Variants in VPS13C observed in about 807,000 individuals in gnomAD.
VPS13C encodes the protein intermembrane lipid transfer protein VPS13C.
VPS13C carries 358 observed loss-of-function variants against 456.8 expected under a neutral mutation model. That is an observed-to-expected ratio of 0.78 (90% CI 0.72 to 0.86). The LOEUF (loss-of-function observed/expected upper bound fraction) is 0.86, where lower values mean the gene tolerates loss of function less well. Ranked by LOEUF, VPS13C falls within the 40% of genes least tolerant of loss-of-function variation. The pLI, the probability that VPS13C is intolerant of heterozygous loss-of-function variation, is 0.00. For synonymous variants in VPS13C, 1,578 were observed against 1,486.7 expected, an observed-to-expected ratio of 1.06 and a Z score of -1.41; for missense variants, 4,818 against 4,385.4, an observed-to-expected ratio of 1.10 and a Z score of -2.79.
intron 6 of VPS13C, among the ~76,000 whole-genome samples, chr15:62,026,458 T>C (rs2047643908): frequency 6.6e-6 from 1 of 152,090 alleles, no homozygotes; most frequent in South Asian, 2.1e-4. Context: ...CGATCTCAAG[T>C]TGGCAAATAC....
At chr15:61,931,371 A>G (rs1313763898) in intron 49 of VPS13C, 112 bp from the exon 50 acceptor site, 7 of 1,129,210 alleles carry the variant, frequency 6.2e-6, no homozygotes, top group African/African-American at 1.6e-5. Flanking sequence ...CATGAATTTT[A>G]AAAGTATGAG....
chr15:61,986,084 TAC>T (rs1213570211), intron 18 of VPS13C, among the ~76,000 whole-genome samples: 3 of 149,644 alleles, frequency 2.0e-5, no homozygotes, highest in African/African-American at 7.4e-5. Context: ...CATATACACA[TAC>T]ACACACACTC....
chr15:61,919,279 G>C lies in VPS13C; in HGVS notation c.7638+10C>G. The C allele has an allele frequency of 6.3e-7, 1 of 1,579,862 alleles. No individual in the cohort carries two copies. The highest frequency in any genetic ancestry group is 8.6e-7 in the Non-Finnish European group (1 of 1,166,562). On this transcript the variant is annotated intron_variant, in intron 58 of 84. Coordinates refer to ENST00000644861, the MANE Select transcript of VPS13C (RefSeq NM_020821.3). ...CACTGAAAGGGATACAATTAACTTT[G>C]AAGTATTACCTGTAGAGGAGAGCGA...
intron 77 of VPS13C, among the ~76,000 whole-genome samples, chr15:61,873,655 A>C (rs1596277406): frequency 6.6e-6 from 1 of 152,128 alleles, no homozygotes; most frequent in East Asian, 1.9e-4. Context: ...TATTATAAAA[A>C]AGACAAAAAA....
chr15:61,870,523 T>C (rs925524395), intron 79 of VPS13C, among the ~76,000 whole-genome samples: 2 of 152,226 alleles, frequency 1.3e-5, no homozygotes, highest in African/African-American at 4.8e-5. Flanking sequence ...TGTTTATTCA[T>C]GTATCAGGTG....
chr15:61,890,352 C>G lies in VPS13C; in HGVS notation c.9154G>C (p.Val3052Leu). 2 of 1,614,026 alleles carry G rather than the reference C, an allele frequency of 1.2e-6. No individual in the cohort carries two copies. Among genetic ancestry groups the G allele is most frequent in the Non-Finnish European group, 1.7e-6 (2 of 1,179,998 alleles). ...CTCTGGCGCCCATCCAGAAATGATA[C>G]CCAGTGTATCTGGATGTTTGCATCA... ...PYDANIQIHW[V>L]SFLDGRQRVL... is the part of the protein sequence containing the mutation. The change falls in exon 67 of 85, where the codon GTA becomes CTA. Residue 3052 changes from valine (V) to leucine (L), a missense_variant. By Grantham distance (32) the Val-to-Leu change is conservative (BLOSUM62 1). Around this residue, in one of 3 missense-constraint regions of VPS13C, gnomAD observed 4,552 missense variants for 4,130.6 expected, o/e 1.10. Coordinates refer to ENST00000644861, the MANE Select transcript of VPS13C (RefSeq NM_020821.3).
chr15:61,998,818 G>C (rs1285995034), intron 16 of VPS13C, among the ~76,000 whole-genome samples: 1 of 152,234 alleles, frequency 6.6e-6, no homozygotes, highest in South Asian at 2.1e-4. Flanking sequence ...TGCTACCCCT[G>C]AGACAATCCT....
intron 1 of VPS13C, among the ~76,000 whole-genome samples, chr15:62,045,110 C>T (rs558667074): frequency 1.3e-5 from 2 of 152,014 alleles, no homozygotes; most frequent in African/African-American, 4.8e-5. Context: ...TTGTTTACAT[C>T]ATTTTAGAGA....
chr15:61,948,075 C>G (rs2044665884), intron 42 of VPS13C, among the ~76,000 whole-genome samples: 1 of 152,078 alleles, frequency 6.6e-6, no homozygotes, highest in South Asian at 2.1e-4. Flanking sequence ...TCCTTAATCA[C>G]CAGTACGACA....
intron 53 of VPS13C, 53 bp downstream of exon 53, chr15:61,925,403 A>G (rs2043814904): frequency 3.7e-6 from 4 of 1,083,034 alleles, no homozygotes; most frequent in South Asian, 2.0e-5. Context: ...CAAATATGCA[A>G]TGTCGTGAAG....
At chr15:62,010,112 C>T (rs889750175) in intron 13 of VPS13C, among the ~76,000 whole-genome samples, 2 of 151,926 alleles carry the variant, frequency 1.3e-5, no homozygotes, top group African/African-American at 4.8e-5. Flanking sequence ...ATGGCATGAA[C>T]CCAGGAGGTA....
rs913605323 is a variant in VPS13C, at chr15:61,901,077, A to G, written c.9105+6187T>C. ...GCCATATGTAGAAAGCTGAAACTGG[A>G]TCCCTTCCTTACACCTTATACAAAA... On this transcript the variant is annotated intron_variant, in intron 66 of 84. Transcript: ENST00000644861. Among the ~76,000 whole-genome samples the G allele has an allele frequency of 6.5e-3, 990 of 151,650 alleles. 9 individuals are homozygous for G. Among genetic ancestry groups the G allele is most frequent in the African/African-American group, 0.023 (942 of 41,338 alleles).
chr15:61,877,050 C>T lies in VPS13C; in HGVS notation c.10147G>A (p.Ala3383Thr), dbSNP rs774050413. The change falls in exon 75 of 85, where the codon GCT becomes ACT. Residue 3383 changes from alanine (A) to threonine (T), a missense_variant. This residue lies in a region of VPS13C where 4,552 missense variants were observed against 4,130.6 expected (regional missense o/e 1.10). Transcript: ENST00000644861. The part of the protein sequence containing the change: ...TDVDDLIFKL[A>T]YYEIRYQFYK... Reference sequence around the variant, plus strand: ...AACTGATATCGAATTTCATAATAAGCAAGTCTGGGAGGAGAAAAAGGAAAG... The same window carrying T: ...AACTGATATCGAATTTCATAATAAGTAAGTCTGGGAGGAGAAAAAGGAAAG... 11 of 1,603,712 alleles carry T rather than the reference C, an allele frequency of 6.9e-6. No homozygotes were observed. The East Asian group carries it at 1.8e-4, about 26-fold the overall frequency.
intron 5 of VPS13C, among the ~76,000 whole-genome samples, chr15:62,032,684 T>C (rs2047858321): frequency 6.6e-6 from 1 of 151,762 alleles, no homozygotes; most frequent in Non-Finnish European, 1.5e-5. Context: ...GCTTTATCTT[T>C]TGAGAGAGAC....
At position 61,901,132 on chromosome 15, in the gene VPS13C, C is replaced by A. The variant is rs899600304; in HGVS notation, c.9105+6132G>T. 3.0e-4 allele frequency among the ~76,000 whole-genome samples: 45 copies of A among 150,842 alleles called. 1 individual carries two copies. The highest frequency in any genetic ancestry group is 3.3e-4 in the Admixed American group (5 of 15,120). On this transcript the variant is annotated intron_variant, in intron 66 of 84. Coordinates refer to ENST00000644861, the MANE Select transcript of VPS13C (RefSeq NM_020821.3). ...ATTCAAGATGGATTAAAGACTTAAACGTTAGACCTAAAACCATAAAAACCC... is the reference window on the plus strand; with the variant it reads ...ATTCAAGATGGATTAAAGACTTAAAAGTTAGACCTAAAACCATAAAAACCC...
chr15:61,915,552 G>A lies in VPS13C; in HGVS notation c.8445+81C>T, dbSNP rs537854329. Reference sequence around the variant, plus strand: ...GGCATTTAGCAAATAGGTTAGCATGGTTTTAGGGAAGACAAATGACTCCCA... The same window carrying A: ...GGCATTTAGCAAATAGGTTAGCATGATTTTAGGGAAGACAAATGACTCCCA... On this transcript the variant is annotated intron_variant, in intron 61 of 84. Coordinates refer to ENST00000644861, the MANE Select transcript of VPS13C (RefSeq NM_020821.3). 259 of 1,405,836 alleles carry A rather than the reference G, an allele frequency of 1.8e-4. 4 individuals carry two copies. In the South Asian group the frequency reaches 3.8e-3, roughly 20 times the overall value. 87.1% of individuals were successfully genotyped at this position (1,405,836 alleles called of 1,614,324 possible).
chr15:62,021,245 G>T (rs1764117981), intron 8 of VPS13C, among the ~76,000 whole-genome samples: 1 of 151,752 alleles, frequency 6.6e-6, no homozygotes, highest in African/African-American at 2.4e-5. Context: ...TCACCACTAT[G>T]CAGTATATCA....
Position 61,882,693 on chromosome 15 carries a change from C to T in VPS13C, c.9527G>A (p.Arg3176His), listed in dbSNP as rs200812059. 56 of 1,594,358 alleles carry T rather than the reference C, an allele frequency of 3.5e-5. No individual in the cohort carries two copies. Among genetic ancestry groups the T allele is most frequent in the African/African-American group, 1.1e-4 (8 of 74,040 alleles). ...TAAAAAGTCTCGTTTAATAGGGCTA[C>T]GAATAGGGAGGCGCATTTCCATTGG... ...KDPMEMRLPI[R>H]SPIKRDFLSG... is the part of the protein sequence containing the mutation. The change falls in exon 69 of 85, where the codon CGT becomes CAT. Residue 3176 changes from arginine (R) to histidine (H), a missense_variant. Arg to His is a conservative substitution (Grantham distance 29, BLOSUM62 0). Coordinates refer to ENST00000644861, the MANE Select transcript of VPS13C (RefSeq NM_020821.3).
intron 25 of VPS13C, 21 bp downstream of exon 25, chr15:61,974,267 C>T: frequency 1.9e-6 from 3 of 1,603,322 alleles, no homozygotes; most frequent in Non-Finnish European, 2.6e-6. Context: ...TAGGGTTATA[C>T]ATTTTATTGT....
Sources: allele counts gnomAD v4.1 joint callset (sites outside exome capture counted in the v4.1 genomes callset), GRCh38; gene constraint gnomAD v4.1.1; regional missense constraint gnomAD v4.1.1; transcripts MANE v1.5; gene names NCBI Gene and HGNC (gene_info 2026-07-23, HGNC 2026-07-21).